The following ZNF138 variants were observed in gnomAD, a reference collection of about 807,000 sequenced individuals.
The protein encoded by ZNF138 is zinc finger protein 138.
A neutral mutation model predicts 33.0 loss-of-function variants in ZNF138; 33 were observed. That is an observed-to-expected ratio of 1.00 (90% confidence interval 0.76 to 1.34). The LOEUF (loss-of-function observed/expected upper bound fraction) is 1.34. Among genes scored for constraint, ZNF138 ranks in the 40% most tolerant of loss-of-function variants. The pLI is 0.00. For missense variants in ZNF138, 360 were observed against 370.8 expected (o/e 0.97, Z 0.24); for synonymous variants, 139 against 120.4 (o/e 1.15, Z -1.01).
chr7:64,847,636 T>C, the ZNF138 span, among the ~76,000 whole-genome samples: 256 of 152,282 alleles, frequency 1.7e-3, no homozygotes, highest in Non-Finnish European at 2.9e-3. Flanking sequence ...CTGCTATTGC[T>C]TTAAAGTTTG....
At chr7:64,838,716 G>A in the ZNF138 span, among the ~76,000 whole-genome samples, 2 of 152,338 alleles carry the variant, frequency 1.3e-5, no homozygotes, top group Admixed American at 1.3e-4. Context: ...AGGAGTTGTA[G>A]ATGTAGTGGA....
At chr7:64,841,128 T>C in the ZNF138 span, among the ~76,000 whole-genome samples, 3 of 152,160 alleles carry the variant, frequency 2.0e-5, no homozygotes, top group Admixed American at 6.5e-5. Context: ...TTACGATTTT[T>C]TCTTTTATAG....
downstream of ZNF138, among the ~76,000 whole-genome samples, chr7:64,838,149 A>G (rs4718133): frequency 0.99 from 150,008 of 152,232 alleles, 73,949 homozygotes; most frequent in East Asian, 1. Context: ...AGGGGTTCCC[A>G]AGTCTGGGCC....
intron 3 of ZNF138, among the ~76,000 whole-genome samples, chr7:64,827,539 A>G (rs1789740406): frequency 1.3e-5 from 2 of 152,132 alleles, no homozygotes; most frequent in African/African-American, 2.4e-5. Flanking sequence ...ATTTTTTTGT[A>G]GAAGTGTTCT....
At chr7:64,830,901 A>G in intron 3 of ZNF138, 1 of 1,527,518 alleles carries the variant, frequency 6.5e-7, no homozygotes, top group Non-Finnish European at 8.8e-7. Context: ...CTTAATAGTC[A>G]GTAGTCACTT....
the ZNF138 span, among the ~76,000 whole-genome samples, chr7:64,849,608 G>T: frequency 6.6e-6 from 1 of 152,120 alleles, no homozygotes; most frequent in African/African-American, 2.4e-5. Flanking sequence ...CTTGGGCGGG[G>T]TTTGCTGCAG....
chr7:64,825,546 T>TTTC (rs1283041441), intron 3 of ZNF138, among the ~76,000 whole-genome samples: 6 of 148,798 alleles, frequency 4.0e-5, no homozygotes, highest in African/African-American at 1.5e-4. Flanking sequence ...TTATTAACTT[T>TTTC]TTTTTTTTTT....
At chr7:64,830,198 G>T (rs1747281614) in intron 3 of ZNF138, among the ~76,000 whole-genome samples, 1 of 152,058 alleles carries the variant, frequency 6.6e-6, no homozygotes, top group Non-Finnish European at 1.5e-5. Context: ...AGATTCTCTT[G>T]TCTGTGACTT....
chr7:64,821,344 C>G (rs971382918), intron 3 of ZNF138, among the ~76,000 whole-genome samples: 1 of 151,326 alleles, frequency 6.6e-6, no homozygotes, highest in Admixed American at 6.6e-5. Flanking sequence ...CCACCTCAGC[C>G]TCCCAAAGTG....
Position 64,833,197 on chromosome 7 carries a change from G to A in ZNF138, c.*995G>A, listed in dbSNP as rs1464927. 69,485 of 241,240 alleles carry A rather than the reference G, an allele frequency of 0.29. 11,252 individuals carry two copies. The highest frequency in any genetic ancestry group is 0.34 in the Non-Finnish European group (40,055 of 119,144). The allele number at this position is 241,240 out of a possible 1,614,324, so 14.9% of individuals were successfully genotyped here. A position where few individuals can be genotyped will look rare whatever the true frequency, so the allele number is the denominator to read the frequency against. On this transcript the variant is annotated 3_prime_UTR_variant, in exon 4 of 4. Coordinates refer to ENST00000307355, the MANE Select transcript of ZNF138 (RefSeq NM_001271639.2). ...AAAAATTTGGTAAATTCTTTAACAA[G>A]TCTTCAACCCTTTCTGCACATAATA... is the stretch of plus-strand genomic sequence containing the variant.
intron 1 of ZNF138, among the ~76,000 whole-genome samples, chr7:64,803,395 A>T (rs578157319): frequency 6.6e-6 from 1 of 152,164 alleles, no homozygotes; most frequent in Non-Finnish European, 1.5e-5. Flanking sequence ...AATGATGAAG[A>T]CTAAAAGATA....
the ZNF138 span, among the ~76,000 whole-genome samples, chr7:64,858,816 G>A: frequency 6.6e-6 from 1 of 151,962 alleles, no homozygotes; most frequent in African/African-American, 2.4e-5. Context: ...CAAATAACAA[G>A]GCTTTCTTCT....
In ZNF138 at chr7:64,812,943, C is replaced by G. The variant is rs562804116; in HGVS notation, c.4-1975C>G. On this transcript the variant is annotated intron_variant, in intron 1 of 3. Coordinates refer to ENST00000307355, the MANE Select transcript of ZNF138 (RefSeq NM_001271639.2). ...TGCCATGCGTTTAGTACCTGTAAAC[C>G]TTTACTTCTCTAATTGTGTTGTTTC... is the stretch of plus-strand genomic sequence containing the variant. Among the ~76,000 whole-genome samples the G allele has an allele frequency of 2.5e-4, 37 of 149,450 alleles. 3 individuals carry two copies. In the South Asian group the frequency reaches 7.8e-3, roughly 32 times the overall value.
intron 3 of ZNF138, 67 bp downstream of exon 3, chr7:64,815,720 T>C (rs1788572001): frequency 7.3e-7 from 1 of 1,369,792 alleles, no homozygotes. Flanking sequence ...GACCACTCCT[T>C]TAAATGTGAT....
intron 1 of ZNF138, among the ~76,000 whole-genome samples, chr7:64,804,381 C>T (rs1328790140): frequency 3.9e-5 from 6 of 152,246 alleles, no homozygotes; most frequent in Non-Finnish European, 7.3e-5. Context: ...ATGTGGACCC[C>T]CTTGGAGTTG....
chr7:64,838,785 G>A, the ZNF138 span, among the ~76,000 whole-genome samples: 2 of 152,288 alleles, frequency 1.3e-5, no homozygotes, highest in East Asian at 3.9e-4. Flanking sequence ...AAGCCAAGGA[G>A]TTAGGTGGGC....
chr7:64,825,861 T>A (rs6460190), intron 3 of ZNF138, among the ~76,000 whole-genome samples: 149,156 of 152,290 alleles, frequency 0.98, 73,120 homozygotes, highest in East Asian at 1. Context: ...TTTAAGATAC[T>A]GTTACACTTC....
At chr7:64,852,454 G>A in the ZNF138 span, 18 of 1,580,756 alleles carry the variant, frequency 1.1e-5, no homozygotes, top group East Asian at 2.5e-4. Context: ...GTGCAATCTC[G>A]ATGATCAGGG....
At chr7:64,811,793 T>C (rs1323256283) in intron 1 of ZNF138, among the ~76,000 whole-genome samples, 1 of 152,230 alleles carries the variant, frequency 6.6e-6, no homozygotes, top group South Asian at 2.1e-4. Flanking sequence ...CTCTAACTAA[T>C]GCTAATAATG....
Sources: allele counts gnomAD v4.1 joint callset (sites outside exome capture counted in the v4.1 genomes callset), GRCh38; gene constraint gnomAD v4.1.1; transcripts MANE v1.5; gene names NCBI Gene and HGNC (gene_info 2026-07-23, HGNC 2026-07-21).